Variants in VPS41 observed in about 807,000 individuals in gnomAD.
VPS41 encodes VPS41 subunit of HOPS complex, also known as vacuolar protein sorting-associated protein 41 homolog.
Under a neutral mutation model 130.9 loss-of-function variants are expected in VPS41, and 85 were observed. The observed-to-expected ratio is 0.65, with a 90% CI of 0.55 to 0.78. The LOEUF (loss-of-function observed/expected upper bound fraction) is 0.78. Ranked by LOEUF, VPS41 falls within the 30% of genes least tolerant of loss-of-function variation. The probability of loss-of-function intolerance (pLI) is 0.00; values close to 1 mark genes in which losing one functional copy is unlikely to be tolerated. For missense variants in VPS41, 874 were observed against 1,018.7 expected (o/e 0.86, Z 1.93); for synonymous variants, 335 against 332.9 (o/e 1.01, Z -0.07).
At position 38,876,304 on chromosome 7, in the gene VPS41, C is replaced by A. The variant is rs558184842; in HGVS notation, c.61-7051G>T. On this transcript the variant is annotated intron_variant, in intron 2 of 28. Transcript: ENST00000310301. ...TCTGTTTTCAAAGACAATTTAATAA[C>A]AAAAAGAAATGTTCTCACAATGTCT... Among the ~76,000 whole-genome samples the A allele has an allele frequency of 7.9e-5, 12 of 152,172 alleles. No individual in the cohort carries two copies. The South Asian group carries it at 2.5e-3, about 32-fold the overall frequency.
At chr7:38,769,801 C>T (rs1784119053) in intron 14 of VPS41, among the ~76,000 whole-genome samples, 1 of 152,216 alleles carries the variant, frequency 6.6e-6, no homozygotes, top group Admixed American at 6.5e-5. Context: ...AGGAAGCCTC[C>T]TGATTGATCT....
chr7:38,788,649 A>C (rs888320732), intron 10 of VPS41, among the ~76,000 whole-genome samples: 4 of 152,170 alleles, frequency 2.6e-5, no homozygotes, highest in Non-Finnish European at 4.4e-5. Flanking sequence ...AGATATTGAA[A>C]CAATTATCTA....
intron 4 of VPS41, among the ~76,000 whole-genome samples, chr7:38,838,048 TC>T (rs1785532201): frequency 1.3e-5 from 2 of 152,308 alleles, no homozygotes; most frequent in South Asian, 4.1e-4. Flanking sequence ...ACATTCCATT[TC>T]CATAACAGTT....
rs570882571 is a variant in VPS41, at chr7:38,731,678, G to A, written c.2260-2887C>T. ...ACTTAGGGCACATGCACACTCTTCT[G>A]TTACTCAGGTTTCGATGACCAGAAT... On this transcript the variant is annotated intron_variant, in intron 25 of 28. Coordinates refer to ENST00000310301, the MANE Select transcript of VPS41 (RefSeq NM_014396.4). Among the ~76,000 whole-genome samples, 12 of 152,058 alleles carry A rather than the reference G, an allele frequency of 7.9e-5. No individual in the cohort carries two copies. In the South Asian group the frequency reaches 2.5e-3, roughly 32 times the overall value.
chr7:38,738,455 C>T (rs1449014460), intron 25 of VPS41, among the ~76,000 whole-genome samples: 1 of 152,062 alleles, frequency 6.6e-6, no homozygotes, highest in Non-Finnish European at 1.5e-5. Context: ...TCAAATAAAA[C>T]CGTCAAAAGA....
chr7:38,767,418 C>A, intron 15 of VPS41, 119 bp downstream of exon 15: 1 of 497,780 alleles, frequency 2.0e-6, no homozygotes, highest in Non-Finnish European at 3.4e-6. Context: ...TCAAAAATTA[C>A]CCTCGTTAGA....
chr7:38,730,711 C>T (rs1795645254), intron 25 of VPS41, among the ~76,000 whole-genome samples: 1 of 151,948 alleles, frequency 6.6e-6, no homozygotes, highest in Non-Finnish European at 1.5e-5. Flanking sequence ...TAAAAGCAAA[C>T]ATATAAAGCT....
rs373260151 is a variant in VPS41, at chr7:38,888,617, C to T, written c.60+9474G>A. Among the ~76,000 whole-genome samples the T allele has an allele frequency of 2.8e-4, 42 of 152,050 alleles. 1 individual carries two copies. The highest frequency in any genetic ancestry group is 8.2e-4 in the African/African-American group (34 of 41,402). ...CCACTGTTAATATCAGACACATCAACGAGACAGAAAATTAACAAGGATATC... is the reference window on the plus strand; with the variant it reads ...CCACTGTTAATATCAGACACATCAATGAGACAGAAAATTAACAAGGATATC... On this transcript the variant is annotated intron_variant, in intron 2 of 28. Coordinates refer to ENST00000310301, the MANE Select transcript of VPS41 (RefSeq NM_014396.4).
rs200261511 is a variant in VPS41 at position 38,796,869 on chromosome 7, G to A, written c.451-5C>T. On this transcript the variant is annotated splice_region_variant and splice_polypyrimidine_tract_variant and intron_variant, in intron 7 of 28. Transcript: ENST00000310301. ...AGACCGTTCAAACAGTAGCAGCTAGGGACAAAAAGCATAAACAAAGAATCT... is the reference window on the plus strand; with the variant it reads ...AGACCGTTCAAACAGTAGCAGCTAGAGACAAAAAGCATAAACAAAGAATCT... The A allele has an allele frequency of 3.4e-4, 544 of 1,613,398 alleles. No homozygotes were observed. In the African/African-American group the frequency reaches 6.4e-3, roughly 19 times the overall value.
intron 2 of VPS41, among the ~76,000 whole-genome samples, chr7:38,893,543 A>G (rs184485823): frequency 3.0e-4 from 45 of 152,382 alleles, no homozygotes; most frequent in Non-Finnish European, 4.1e-4. Flanking sequence ...ATAAAACACC[A>G]TCTAAGAAGT....
chr7:38,889,716 T>C (rs1171122069), intron 2 of VPS41, among the ~76,000 whole-genome samples: 1 of 151,760 alleles, frequency 6.6e-6, no homozygotes, highest in Admixed American at 6.6e-5. Context: ...CAGTAGAAGA[T>C]AGAAGATAAC....
intron 25 of VPS41, among the ~76,000 whole-genome samples, chr7:38,737,150 C>T (rs1188717647): frequency 2.0e-5 from 3 of 152,068 alleles, no homozygotes; most frequent in African/African-American, 4.8e-5. Context: ...CCGAGGCAGG[C>T]GGATCATGAG....
chr7:38,819,292 T>TTGGAAGA (rs1785119847), intron 6 of VPS41, among the ~76,000 whole-genome samples: 1 of 152,208 alleles, frequency 6.6e-6, no homozygotes, highest in Admixed American at 6.5e-5. Context: ...CAAGATTATC[T>TTGGAAGA]TCCCTACCTA....
intron 3 of VPS41, among the ~76,000 whole-genome samples, chr7:38,864,369 A>C (rs1404105226): frequency 2.6e-5 from 4 of 152,228 alleles, no homozygotes; most frequent in Admixed American, 6.5e-5. Flanking sequence ...TTAAAATAGA[A>C]AGAAAACATA....
intron 4 of VPS41, among the ~76,000 whole-genome samples, chr7:38,834,844 T>C (rs1181770077): frequency 2.0e-5 from 3 of 152,018 alleles, no homozygotes; most frequent in Non-Finnish European, 4.4e-5. Context: ...TGGTCATTCA[T>C]ATTTTCCAAG....
At chr7:38,907,133 T>C (rs976258095) in intron 1 of VPS41, among the ~76,000 whole-genome samples, 2 of 149,804 alleles carry the variant, frequency 1.3e-5, no homozygotes, top group East Asian at 2.0e-4. Flanking sequence ...ATGCACATTA[T>C]AGGGAAAAAT....
At chr7:38,792,969 C>T (rs1228551795) in intron 9 of VPS41, among the ~76,000 whole-genome samples, 1 of 152,144 alleles carries the variant, frequency 6.6e-6, no homozygotes, top group Non-Finnish European at 1.5e-5. Flanking sequence ...CACCTCCTAC[C>T]CCAGGCCCCC....
At chr7:38,777,546 TG>T (rs919179789) in intron 10 of VPS41, among the ~76,000 whole-genome samples, 23 of 152,302 alleles carry the variant, frequency 1.5e-4, no homozygotes, top group African/African-American at 5.5e-4. Context: ...TTTAAGAGAC[TG>T]AGATTGGGAG....
intron 20 of VPS41, 50 bp from the exon 21 acceptor site, chr7:38,754,802 A>G (rs1783756291): frequency 6.3e-7 from 1 of 1,591,592 alleles, no homozygotes. Context: ...ACAGAAAGAC[A>G]GCTACAAAAT....
Sources: allele counts gnomAD v4.1 joint callset (sites outside exome capture counted in the v4.1 genomes callset), GRCh38; gene constraint gnomAD v4.1.1; transcripts MANE v1.5; gene names NCBI Gene and HGNC (gene_info 2026-07-23, HGNC 2026-07-21).